Variants in ATOSA observed in about 807,000 individuals in gnomAD.
ATOSA encodes atos homolog A.
the ATOSA span, among the ~76,000 whole-genome samples, chr15:52,653,860 T>C: frequency 6.6e-6 from 1 of 152,216 alleles, no homozygotes; most frequent in South Asian, 2.1e-4. Context: ...GCCCCATTTA[T>C]ATTTTTATAC....
chr15:52,582,930 C>T, the ATOSA span, among the ~76,000 whole-genome samples: 2 of 152,246 alleles, frequency 1.3e-5, no homozygotes, highest in African/African-American at 4.8e-5. Context: ...TCTTCACTCA[C>T]ATTAACTTAC....
chr15:52,630,627 T>G, the ATOSA span, among the ~76,000 whole-genome samples: 1,124 of 152,306 alleles, frequency 7.4e-3, 16 homozygotes, highest in African/African-American at 0.026. Flanking sequence ...AAAAATAACC[T>G]GGCATTACCT....
At chr15:52,584,760 T>C in the ATOSA span, 1 of 1,613,356 alleles carries the variant, frequency 6.2e-7, no homozygotes, top group African/African-American at 1.3e-5. Context: ...ATGTATGAGG[T>C]AGCGTAATAA....
the ATOSA span, among the ~76,000 whole-genome samples, chr15:52,597,165 GTTCTATTCTATTCTATTCTATTCTA>G: frequency 0.046 from 1,140 of 24,750 alleles, 26 homozygotes; most frequent in Admixed American, 0.082. Flanking sequence ...GTTCTGTTCT[GTTCTATTCTATTCTATTCTATTCTA>G]TTCTATTCTA....
chr15:52,612,902 C>T, the ATOSA span, among the ~76,000 whole-genome samples: 1 of 151,594 alleles, frequency 6.6e-6, no homozygotes, highest in South Asian at 2.1e-4. Context: ...TGCTACTACA[C>T]CAAAATATTT....
chr15:52,672,171 T>TAAAAAAAAAAA, the ATOSA span, among the ~76,000 whole-genome samples: 1 of 8,084 alleles, frequency 1.2e-4, no homozygotes. Flanking sequence ...ACCCCATTTC[T>TAAAAAAAAAAA]CAAAAAAAAA....
the ATOSA span, among the ~76,000 whole-genome samples, chr15:52,679,856 A>G: frequency 7.8e-6 from 1 of 127,878 alleles, no homozygotes; most frequent in African/African-American, 3.0e-5. Flanking sequence ...ATGCTGGCAC[A>G]GAGTTGTGAT....
At chr15:52,602,966 G>A in the ATOSA span, among the ~76,000 whole-genome samples, 1 of 152,160 alleles carries the variant, frequency 6.6e-6, no homozygotes, top group Non-Finnish European at 1.5e-5. Context: ...GCATTTGGAA[G>A]TTATACTTCT....
At chr15:52,681,468 T>C in the ATOSA span, among the ~76,000 whole-genome samples, 1 of 152,252 alleles carries the variant, frequency 6.6e-6, no homozygotes. Flanking sequence ...GTTTAGACTC[T>C]GACAATAGTT....
At chr15:52,609,633 C>A in the ATOSA span, 3 of 1,613,050 alleles carry the variant, frequency 1.9e-6, no homozygotes, top group Admixed American at 1.7e-5. Flanking sequence ...TACCAAAAGT[C>A]ATGGAGAAAG....
the ATOSA span, chr15:52,608,434 GTTTA>G: frequency 3.7e-6 from 3 of 802,798 alleles, no homozygotes; most frequent in Non-Finnish European, 5.5e-6. Flanking sequence ...AGTTCTGTAG[GTTTA>G]TTATTCTATC....
the ATOSA span, among the ~76,000 whole-genome samples, chr15:52,659,426 T>A: frequency 3.4e-4 from 52 of 152,316 alleles, no homozygotes; most frequent in Admixed American, 7.8e-4. Context: ...GAAATATTCA[T>A]AAGAATTCCT....
chr15:52,646,669 G>A, the ATOSA span, among the ~76,000 whole-genome samples: 2 of 152,120 alleles, frequency 1.3e-5, no homozygotes, highest in African/African-American at 4.8e-5. Context: ...CACTTTGCTT[G>A]CATACATATT....
the ATOSA span, among the ~76,000 whole-genome samples, chr15:52,705,268 C>T: frequency 1.1e-4 from 17 of 151,818 alleles, no homozygotes; most frequent in Non-Finnish European, 2.5e-4. Context: ...GAAAACCAAA[C>T]ACCGCATGTT....
At chr15:52,604,523 T>C in the ATOSA span, among the ~76,000 whole-genome samples, 6 of 152,328 alleles carry the variant, frequency 3.9e-5, no homozygotes, top group South Asian at 2.1e-4. Flanking sequence ...ACTGAAATGG[T>C]AGCCATACCA....
chr15:52,681,760 C>A, the ATOSA span, among the ~76,000 whole-genome samples: 1 of 152,140 alleles, frequency 6.6e-6, no homozygotes, highest in African/African-American at 2.4e-5. Flanking sequence ...AAAGTTAACT[C>A]ATCTTCAGCA....
At chr15:52,704,805 T>C in the ATOSA span, among the ~76,000 whole-genome samples, 124 of 152,328 alleles carry the variant, frequency 8.1e-4, no homozygotes, top group African/African-American at 2.8e-3. Context: ...CACAGTGAGA[T>C]GCCATCTCAC....
the ATOSA span, among the ~76,000 whole-genome samples, chr15:52,601,355 AC>A: frequency 1.3e-5 from 2 of 152,132 alleles, no homozygotes; most frequent in African/African-American, 2.4e-5. Flanking sequence ...TGTTGAAAAA[AC>A]AGATGACAAA....
the ATOSA span, among the ~76,000 whole-genome samples, chr15:52,684,459 C>G: frequency 6.6e-6 from 1 of 152,142 alleles, no homozygotes; most frequent in Non-Finnish European, 1.5e-5. Context: ...ATCACTTGAG[C>G]CCAGGAGTTC....
Sources: gnomAD v4.1 joint callset for allele counts (sites outside exome capture counted in the v4.1 genomes callset) on GRCh38, gnomAD v4.1.1 for gene constraint, MANE v1.5 for transcripts, NCBI Gene and HGNC (gene_info 2026-07-23, HGNC 2026-07-21) for gene names.